Variants in CFH observed in about 807,000 individuals in gnomAD.
The protein encoded by CFH is complement factor H.
In CFH, 53 loss-of-function variants were observed where a neutral mutation model predicts 147.3. The observed-to-expected ratio is 0.36, with a 90% CI of 0.29 to 0.45. The LOEUF (loss-of-function observed/expected upper bound fraction) is 0.45. Ranked by LOEUF, CFH falls within the 20% of genes least tolerant of loss-of-function variation. The pLI, the probability that CFH is intolerant of heterozygous loss-of-function variation, is 1.00. For missense variants in CFH, 1,380 were observed against 1,498.0 expected (o/e 0.92, Z 1.30); for synonymous variants, 536 against 489.4 (o/e 1.10, Z -1.26).
At chr1:196,675,595 A>ACG (rs1667426631) in intron 3 of CFH, among the ~76,000 whole-genome samples, 1 of 152,170 alleles carries the variant, frequency 6.6e-6, no homozygotes, top group Non-Finnish European at 1.5e-5. Context: ...AGCTTACTAT[A>ACG]TTATTGAATT....
intron 9 of CFH, among the ~76,000 whole-genome samples, chr1:196,700,308 G>T (rs1256477453): frequency 6.6e-6 from 1 of 152,078 alleles, no homozygotes; most frequent in African/African-American, 2.4e-5. Flanking sequence ...CACTGTCTTG[G>T]TATATTCTGT....
At chr1:196,708,916 G>A (rs1668658783) in intron 9 of CFH, among the ~76,000 whole-genome samples, 1 of 152,138 alleles carries the variant, frequency 6.6e-6, no homozygotes, top group Non-Finnish European at 1.5e-5. Flanking sequence ...ACTGGGACAT[G>A]ATCAGAAACT....
rs1348213338 is a variant in CFH at position 196,735,388 on chromosome 1, A to T, written c.2414-1436A>T. On this transcript the variant is annotated intron_variant, in intron 15 of 21. Transcript: ENST00000367429. Reference sequence around the variant, plus strand: ...CTAACGGTTCTATTTACAAATAAAAATATGCATACACACTAAATGTAGAAT... The same window carrying T: ...CTAACGGTTCTATTTACAAATAAAATTATGCATACACACTAAATGTAGAAT... Among the ~76,000 whole-genome samples, 8 of 152,298 alleles carry T rather than the reference A, an allele frequency of 5.3e-5. No individual in the cohort carries two copies. In the East Asian group the frequency reaches 1.5e-3, roughly 29 times the overall value.
At chr1:196,722,885 A>G (rs911072955) in intron 11 of CFH, among the ~76,000 whole-genome samples, 2 of 151,976 alleles carry the variant, frequency 1.3e-5, no homozygotes, top group African/African-American at 2.4e-5. Flanking sequence ...TCTTTCAACT[A>G]TATTTTGTAA....
At chr1:196,668,439 TCTC>T (rs1433772788) in intron 1 of CFH, among the ~76,000 whole-genome samples, 1 of 152,108 alleles carries the variant, frequency 6.6e-6, no homozygotes, top group Non-Finnish European at 1.5e-5. Context: ...TTTTTACTAT[TCTC>T]CTGGAAAAAA....
At chr1:196,711,411 A>G (rs1425231116) in intron 9 of CFH, among the ~76,000 whole-genome samples, 1 of 152,050 alleles carries the variant, frequency 6.6e-6, no homozygotes, top group African/African-American at 2.4e-5. Flanking sequence ...ATTCCATAAA[A>G]GATTTACTGT....
At position 196,745,526 on chromosome 1, in the gene CFH, T is replaced by C. The variant is rs117369047; in HGVS notation, c.3311-291T>C. 7.7e-4 allele frequency among the ~76,000 whole-genome samples: 118 copies of C among 152,338 alleles called. 1 individual carries two copies. In the East Asian group the frequency reaches 0.021, roughly 27 times the overall value. Reference sequence around the variant, plus strand: ...ATGAAATAAGAAACTTCCTTTGTCATAGTTTTCTATGTTTAGCATGTATTC... The same window carrying C: ...ATGAAATAAGAAACTTCCTTTGTCACAGTTTTCTATGTTTAGCATGTATTC... On this transcript the variant is annotated intron_variant, in intron 20 of 21. Transcript: ENST00000367429.
intron 9 of CFH, chr1:196,692,464 G>A (rs994412789): frequency 1.6e-5 from 7 of 430,522 alleles, no homozygotes; most frequent in Non-Finnish European, 2.2e-5. Context: ...CTCTTGGTTT[G>A]ATTTTGGAGC....
At chr1:196,652,452 CT>C (rs1162211823) in intron 1 of CFH, among the ~76,000 whole-genome samples, 3 of 151,652 alleles carry the variant, frequency 2.0e-5, no homozygotes, top group African/African-American at 7.3e-5. Flanking sequence ...AATCATTTCC[CT>C]TGTAATTATC....
intron 7 of CFH, among the ~76,000 whole-genome samples, chr1:196,688,978 G>A (rs1400524144): frequency 6.6e-6 from 1 of 151,974 alleles, no homozygotes; most frequent in African/African-American, 2.4e-5. Context: ...ACATTGAATT[G>A]TTCTGAGAAG....
intron 1 of CFH, among the ~76,000 whole-genome samples, chr1:196,655,793 A>T (rs980136505): frequency 4.6e-5 from 7 of 152,188 alleles, no homozygotes; most frequent in Admixed American, 4.6e-4. Context: ...TGGAAAGGGG[A>T]TGATGTAATT....
At position 196,715,639 on chromosome 1, in the gene CFH, C is replaced by A; in HGVS notation, c.1566C>A (p.Asp522Glu). The stretch of plus-strand genomic sequence containing the variant: ...TTATGAATGCCAGAACTAAAAATGA[C>A]TTCACATGGTTTAAGCTGAATGACA... Reference protein sequence around the residue: ...PVFMNARTKNDFTWFKLNDTL... With the variant: ...PVFMNARTKNEFTWFKLNDTL... The change falls in exon 11 of 22, where the codon GAC becomes GAA. Residue 522 changes from aspartate to glutamate, a missense_variant. This residue lies in a region of CFH where 830 missense variants were observed against 821.4 expected (regional missense o/e 1.01). Transcript: ENST00000367429. 6.2e-7 allele frequency: 1 copy of A among 1,612,644 alleles called. No homozygotes were observed. Among genetic ancestry groups the A allele is most frequent in the Non-Finnish European group, 8.5e-7 (1 of 1,179,130 alleles).
At position 196,716,130 on chromosome 1, in the gene CFH, T is replaced by C. The variant is rs1370227224; in HGVS notation, c.1696+361T>C. Among the ~76,000 whole-genome samples, 5 of 152,152 alleles carry C rather than the reference T, an allele frequency of 3.3e-5. 1 individual carries two copies. The South Asian group carries it at 6.2e-4, about 19-fold the overall frequency. On this transcript the variant is annotated intron_variant, in intron 11 of 21. Coordinates refer to ENST00000367429, the MANE Select transcript of CFH (RefSeq NM_000186.4). ...TTTAATTTCTACTTTACATCTTCTA[T>C]CTTGTGTGTTAATTTCTGTACTTTC...
At chr1:196,741,082 A>G in intron 18 of CFH, 1 of 392,718 alleles carries the variant, frequency 2.5e-6, no homozygotes, top group East Asian at 5.2e-5. Flanking sequence ...CAATCTCCAC[A>G]TTATTCAATC....
intron 15 of CFH, among the ~76,000 whole-genome samples, chr1:196,730,047 A>G (rs1669246007): frequency 6.6e-6 from 1 of 151,524 alleles, no homozygotes. Context: ...TTTCATTGAT[A>G]TTTTGTACTG....
chr1:196,734,447 A>G (rs767311709), intron 15 of CFH, among the ~76,000 whole-genome samples: 11 of 152,080 alleles, frequency 7.2e-5, no homozygotes, highest in African/African-American at 1.4e-4. Context: ...GCTCCTACAC[A>G]AGCAAGAGAG....
At chr1:196,692,247 A>C (rs955685440) in intron 9 of CFH, 4 of 163,006 alleles carry the variant, frequency 2.5e-5, no homozygotes, top group African/African-American at 1.0e-4. Flanking sequence ...ATAGGTTTTT[A>C]ATAAGTATGG....
chr1:196,741,064 C>T (rs916980161), intron 18 of CFH: 3 of 432,626 alleles, frequency 6.9e-6, no homozygotes, highest in African/African-American at 4.0e-5. Context: ...ACAGCTGCCT[C>T]TACTCATCAA....
intron 20 of CFH, among the ~76,000 whole-genome samples, chr1:196,744,579 T>A (rs1238501990): frequency 1.3e-5 from 2 of 152,164 alleles, no homozygotes; most frequent in Non-Finnish European, 2.9e-5. Flanking sequence ...CATTTAAATC[T>A]ACAACTGGAA....
Sources: gnomAD v4.1 joint callset for allele counts (sites outside exome capture counted in the v4.1 genomes callset) on GRCh38, gnomAD v4.1.1 for gene constraint, gnomAD v4.1.1 regional missense constraint, MANE v1.5 for transcripts, NCBI Gene and HGNC (gene_info 2026-07-23, HGNC 2026-07-21) for gene names.